SH2D5: variants seen among roughly 807,000 people sequenced by gnomAD.
SH2D5 encodes SH2 domain containing 5, also known as SH2 domain-containing protein 5.
Under a neutral mutation model 48.2 loss-of-function variants are expected in SH2D5, and 45 were observed. The observed-to-expected ratio is 0.93, with a 90% CI of 0.73 to 1.20. The LOEUF (loss-of-function observed/expected upper bound fraction) is 1.20. Ranked by LOEUF, SH2D5 falls within the 50% of genes most tolerant of loss-of-function variation. SH2D5 has a pLI of 0.00. For synonymous variants in SH2D5, 230 were observed against 249.8 expected, an observed-to-expected ratio of 0.92 and a Z score of 0.75; for missense variants, 538 against 584.1, an observed-to-expected ratio of 0.92 and a Z score of 0.81.
chr1:20,730,185 C>T (rs1166843759), intron 1 of SH2D5, among the ~76,000 whole-genome samples: 5 of 151,590 alleles, frequency 3.3e-5, no homozygotes, highest in African/African-American at 7.3e-5. Context: ...AGGGAAGGTA[C>T]GGACGATGGA....
At chr1:20,731,057 G>A (rs1327487228) in intron 1 of SH2D5, 2 of 152,372 alleles carry the variant, frequency 1.3e-5, no homozygotes, top group East Asian at 3.9e-4. Context: ...GCAAATCCAT[G>A]TCTCTGGAGC....
chr1:20,727,575 A>G lies in SH2D5; in HGVS notation c.116T>C (p.Leu39Pro), dbSNP rs1385312377. The G allele has an allele frequency of 3.7e-6, 6 of 1,610,416 alleles. No individual in the cohort carries two copies. Among genetic ancestry groups the G allele is most frequent in the South Asian group, 2.2e-5 (2 of 90,010 alleles). ...CAGCCACACGCTCTCCTGGGTGTCC[A>G]GGTCATCCACAGGGAAGGAGCCCAC... ...QYVGSFPVDD[L>P]DTQESVWLVQ... is the part of the protein sequence containing the mutation. The change falls in exon 3 of 10, where the codon CTG becomes CCG. Residue 39 changes from leucine (L) to proline (P), a missense_variant. Leu to Pro is a moderately conservative substitution (Grantham distance 98). Coordinates refer to ENST00000444387, the MANE Select transcript of SH2D5 (RefSeq NM_001103161.2).
chr1:20,727,069 G>A lies in SH2D5; in HGVS notation c.175C>T (p.Pro59Ser). 1.2e-6 allele frequency: 2 copies of A among 1,611,270 alleles called. No individual in the cohort carries two copies. Among genetic ancestry groups the A allele is most frequent in the Non-Finnish European group, 1.7e-6 (2 of 1,178,722 alleles). Reference sequence around the variant, plus strand: ...TTCAGGATGACGGCCCGGCGTCGGGGACAGTCCTGGGTGGAAAAGAGTAGT... The same window carrying A: ...TTCAGGATGACGGCCCGGCGTCGGGAACAGTCCTGGGTGGAAAAGAGTAGT... Reference protein sequence around the residue: ...QQQLWALKDCPRRRAVILKFS... With the variant: ...QQQLWALKDCSRRRAVILKFS... Residue 59 changes from proline to serine, a missense_variant, in exon 4 of 10, where the codon CCC (proline) becomes TCC (serine). By Grantham distance (74) the Pro-to-Ser change is moderately conservative (BLOSUM62 -1). Transcript: ENST00000444387.
In SH2D5 at chr1:20,724,630, C is replaced by T; in HGVS notation, c.396G>A (p.Gln132=). The T allele has an allele frequency of 6.4e-7, 1 of 1,567,514 alleles. No homozygotes were observed. The highest frequency in any genetic ancestry group is 1.2e-5 in the South Asian group (1 of 86,742). ...AGCGGCACAGCAGCAGGTGCAGGAT[C>T]TGGACCTGGGAGGGAGGGAGAGAGG... ...LFVGSQPGEV[Q]ILHLLLCRSF... Residue 132 remains glutamine, a synonymous_variant, in exon 6 of 10, where the codon CAG becomes CAA. Coordinates refer to ENST00000444387, the MANE Select transcript of SH2D5 (RefSeq NM_001103161.2).
At chr1:20,722,506 G>A (rs12755295) in intron 9 of SH2D5, among the ~76,000 whole-genome samples, 5,080 of 152,304 alleles carry the variant, frequency 0.033, 125 homozygotes, top group Middle Eastern at 0.048. Flanking sequence ...AGAGCAGAGC[G>A]GAGTCAACAG....
intron 1 of SH2D5, chr1:20,731,708 G>A (rs1489331255): frequency 6.6e-6 from 1 of 152,122 alleles, no homozygotes; most frequent in Non-Finnish European, 1.5e-5. Flanking sequence ...CCAGGGGCGG[G>A]TGGGCCGAGG....
intron 4 of SH2D5, 98 bp downstream of exon 4, chr1:20,726,902 GC>G (rs1438210909): frequency 2.3e-5 from 23 of 1,008,164 alleles, no homozygotes; most frequent in Non-Finnish European, 2.8e-5. Context: ...AAGCACGGGG[GC>G]CGAGCTAAGG....
At chr1:20,723,026 G>C in intron 8 of SH2D5, 111 bp from the exon 9 acceptor site, 20 of 1,084,658 alleles carry the variant, frequency 1.8e-5, no homozygotes, top group Middle Eastern at 2.6e-4. Flanking sequence ...TTAAACACAC[G>C]GTGCGTTGGC....
rs1168825540 is a variant in SH2D5, at chr1:20,719,966, T to G, written c.*1826A>C. The stretch of plus-strand genomic sequence containing the variant: ...TTCAGTGTGCTAAACATGGCCCTGA[T>G]AGCTTCTCCACACAGGTAATTCACC... On this transcript the variant is annotated 3_prime_UTR_variant, in exon 10 of 10. Coordinates refer to ENST00000444387, the MANE Select transcript of SH2D5 (RefSeq NM_001103161.2). 6.6e-6 allele frequency: 1 copy of G among 152,242 alleles called. No homozygotes were observed. The highest frequency in any genetic ancestry group is 6.5e-5 in the Admixed American group (1 of 15,280). 9.4% of individuals were successfully genotyped at this position (152,242 alleles called of 1,614,324 possible). A position where few individuals can be genotyped will look rare whatever the true frequency, so the allele number is the denominator to read the frequency against.
chr1:20,725,899 C>T lies in SH2D5; in HGVS notation c.390+21G>A. ...GCCCCTCCGGCCTCCGTGGCGGTCCCCTGCCTCAAGCCCCAGATACCTCTC... is the reference window on the plus strand; with the variant it reads ...GCCCCTCCGGCCTCCGTGGCGGTCCTCTGCCTCAAGCCCCAGATACCTCTC... On this transcript the variant is annotated intron_variant, in intron 5 of 9. Coordinates refer to ENST00000444387, the MANE Select transcript of SH2D5 (RefSeq NM_001103161.2). The T allele has an allele frequency of 1.2e-6, 2 of 1,611,590 alleles. 1 individual carries two copies.
chr1:20,724,547 C>A lies in SH2D5; in HGVS notation c.479G>T (p.Cys160Phe). The A allele has an allele frequency of 6.2e-7, 1 of 1,605,468 alleles. No homozygotes were observed. The highest frequency in any genetic ancestry group is 8.5e-7 in the Non-Finnish European group (1 of 1,176,964). ...HPEERAQPEPCPGPTGEVPLK... is the reference protein window; with the variant it reads ...HPEERAQPEPFPGPTGEVPLK... ...GGGCACCTCCCCTGTGGGCCCTGGG[C>A]AGGGCTCTGGCTGTGCCCGCTCCTC... The change falls in exon 6 of 10, where the codon TGC (cysteine) becomes TTC (phenylalanine). Residue 160 changes from cysteine (C) to phenylalanine (F), a missense_variant. Cys to Phe is a radical substitution (Grantham distance 205). Coordinates refer to ENST00000444387, the MANE Select transcript of SH2D5 (RefSeq NM_001103161.2).
chr1:20,726,204 T>C, intron 4 of SH2D5, 138 bp from the exon 5 acceptor site: 1 of 1,099,038 alleles, frequency 9.1e-7, no homozygotes, highest in Non-Finnish European at 1.3e-6. Context: ...ACATGGGCCC[T>C]GGGGCTTAAG....
intron 9 of SH2D5, 100 bp downstream of exon 9, chr1:20,722,656 A>G: frequency 8.0e-7 from 1 of 1,243,850 alleles, no homozygotes. Context: ...GGTGAGGCAC[A>G]TTCAGGACCT....
intron 4 of SH2D5, 104 bp downstream of exon 4, chr1:20,726,897 C>T (rs1333663473): frequency 1.4e-5 from 14 of 978,676 alleles, no homozygotes; most frequent in South Asian, 8.8e-5. Context: ...AGGGGAAGCA[C>T]GGGGGCCGAG....
chr1:20,726,205 G>T, intron 4 of SH2D5, 139 bp from the exon 5 acceptor site: 1 of 1,117,982 alleles, frequency 8.9e-7, no homozygotes, highest in Non-Finnish European at 1.2e-6. Flanking sequence ...CATGGGCCCT[G>T]GGGCTTAAGA....
intron 3 of SH2D5, 135 bp from the exon 4 acceptor site, chr1:20,727,210 G>A (rs976352149): frequency 1.4e-6 from 1 of 737,944 alleles, no homozygotes; most frequent in South Asian, 2.0e-5. Context: ...CCTGGCTGGT[G>A]GACCCCCCTG....
rs1269169655 is a variant in SH2D5 at position 20,719,986 on chromosome 1, T to A, written c.*1806A>T. The A allele has an allele frequency of 6.6e-6, 1 of 152,240 alleles. No individual in the cohort carries two copies. The highest frequency in any genetic ancestry group is 6.5e-5 in the Admixed American group (1 of 15,274). The allele number at this position is 152,240 out of a possible 1,614,324, so 9.4% of individuals were successfully genotyped here. A position where few individuals can be genotyped will look rare whatever the true frequency, so the allele number is the denominator to read the frequency against. On this transcript the variant is annotated 3_prime_UTR_variant, in exon 10 of 10. Transcript: ENST00000444387. ...CCTGATAGCTTCTCCACACAGGTAATTCACCAGTAAAACCCATCCCTCACA... is the reference window on the plus strand; with the variant it reads ...CCTGATAGCTTCTCCACACAGGTAAATCACCAGTAAAACCCATCCCTCACA...
rs1222597377 is a variant in SH2D5, at chr1:20,728,966, C to T, written c.-42-880G>A. Among the ~76,000 whole-genome samples the T allele has an allele frequency of 6.6e-6, 1 of 151,862 alleles. No homozygotes were observed. The highest frequency in any genetic ancestry group is 2.4e-5 in the African/African-American group (1 of 41,304). The stretch of plus-strand genomic sequence containing the variant: ...AAAACCAGAACTCAGTCAGACAGTG[C>T]GCTGATGCAGACAGGATGTGGGGAA... On this transcript the variant is annotated intron_variant, in intron 1 of 9. Coordinates refer to ENST00000444387, the MANE Select transcript of SH2D5 (RefSeq NM_001103161.2). The surrounding 1 kb of genome is among the most constrained non-coding windows in gnomAD (Gnocchi z 4.3).
At position 20,722,814 on chromosome 1, in the gene SH2D5, T is replaced by C; in HGVS notation, c.1010A>G (p.Gln337Arg). 6.2e-7 allele frequency: 1 copy of C among 1,600,338 alleles called. No individual in the cohort carries two copies. The highest frequency in any genetic ancestry group is 8.5e-7 in the Non-Finnish European group (1 of 1,173,680). ...GACCTGGTGGGGCACCACGCCGCAC[T>C]GCGTGCGCACGGACAGACACCACTG... ...SGQWCLSVRT[Q>R]CGVVPHQVFR... Residue 337 changes from glutamine (Q) to arginine (R), a missense_variant, in exon 9 of 10, where the codon CAG becomes CGG. Transcript: ENST00000444387.
Sources: gnomAD v4.1 joint callset for allele counts (sites outside exome capture counted in the v4.1 genomes callset) on GRCh38, gnomAD v4.1.1 for gene constraint, Gnocchi (gnomAD v3.1) non-coding constraint, MANE v1.5 for transcripts, NCBI Gene and HGNC (gene_info 2026-07-23, HGNC 2026-07-21) for gene names.